WDR47: variants seen among roughly 807,000 people sequenced by gnomAD.
WDR47 encodes the protein WD repeat-containing protein 47.
WDR47 carries 32 observed loss-of-function variants against 97.2 expected under a neutral mutation model. That is an observed-to-expected ratio of 0.33 (90% confidence interval 0.25 to 0.44). WDR47 has a LOEUF of 0.44. WDR47 is among the 20% of genes least tolerant of loss of function. The probability of loss-of-function intolerance (pLI) is 1.00; values close to 1 mark genes in which losing one functional copy is unlikely to be tolerated. For missense variants in WDR47, 782 were observed against 1,102.3 expected (o/e 0.71, Z 4.11); for synonymous variants, 375 against 373.5 (o/e 1.00, Z -0.05).
chr1:109,004,348 T>C (rs1407433956), intron 6 of WDR47, among the ~76,000 whole-genome samples: 1 of 152,106 alleles, frequency 6.6e-6, no homozygotes, highest in Non-Finnish European at 1.5e-5. Context: ...ACATGCAATG[T>C]CACCAGTAAT....
chr1:109,010,975 A>G lies in WDR47; in HGVS notation c.1071T>C (p.Ser357=). 2 of 1,614,138 alleles carry G rather than the reference A, an allele frequency of 1.2e-6. No homozygotes were observed. Among genetic ancestry groups the G allele is most frequent in the Non-Finnish European group, 1.7e-6 (2 of 1,180,036 alleles). The stretch of plus-strand genomic sequence containing the variant: ...CTGTATTCTCAAGCATGAGACTTCT[A>G]CTGAGGTTTTGTACCCCTGGATAAT... ...NFHYPGVQNL[S]RSLMLENTEC... is the part of the protein sequence containing the mutation. Residue 357 remains serine (S), a synonymous_variant, in exon 5 of 15, where the codon AGT becomes AGC. Coordinates refer to ENST00000369962, the MANE Select transcript of WDR47 (RefSeq NM_001142551.2).
chr1:109,000,673 T>G (rs1660117897), intron 7 of WDR47, among the ~76,000 whole-genome samples: 1 of 151,692 alleles, frequency 6.6e-6, no homozygotes, highest in Admixed American at 6.6e-5. Flanking sequence ...AGAGTGAGAC[T>G]CCAACTCAAA....
At chr1:108,979,535 AAAAC>A (rs1658183153) in intron 13 of WDR47, among the ~76,000 whole-genome samples, 1 of 122,670 alleles carries the variant, frequency 8.2e-6, no homozygotes, top group Non-Finnish European at 1.8e-5. Flanking sequence ...AGAACAAAAC[AAAAC>A]AAAAAAACAA....
intron 1 of WDR47, among the ~76,000 whole-genome samples, chr1:109,040,588 A>T (rs554722405): frequency 6.6e-6 from 1 of 152,122 alleles, no homozygotes; most frequent in Non-Finnish European, 1.5e-5. Context: ...TTTTTTACCT[A>T]ACAATATACT....
Position 109,020,562 on chromosome 1 carries a change from G to A in WDR47, c.158+2793C>T, listed in dbSNP as rs368066403. On this transcript the variant is annotated intron_variant, in intron 2 of 14. Transcript: ENST00000369962. ...CAGGCGTGAGCCACTGTGCCCAGCC[G>A]AACATATTTAGTTTAATGAAAAACC... is the stretch of plus-strand genomic sequence containing the variant. Among the ~76,000 whole-genome samples the A allele has an allele frequency of 7.0e-4, 106 of 152,006 alleles. 1 individual carries two copies. The highest frequency in any genetic ancestry group is 2.3e-3 in the African/African-American group (95 of 41,500).
At chr1:108,982,913 G>T in intron 11 of WDR47, 134 bp from the exon 12 acceptor site, 1 of 1,021,800 alleles carries the variant, frequency 9.8e-7, no homozygotes, top group Non-Finnish European at 1.4e-6. Flanking sequence ...TTTAGGGATT[G>T]GTATTATAAG....
intron 1 of WDR47, among the ~76,000 whole-genome samples, chr1:109,035,716 G>A (rs1016218280): frequency 3.3e-5 from 5 of 151,652 alleles, no homozygotes; most frequent in African/African-American, 7.3e-5. Context: ...GGCTAGTCTC[G>A]AACTCCCGAC....
intron 1 of WDR47, among the ~76,000 whole-genome samples, chr1:109,029,686 A>C (rs1373461686): frequency 7.4e-6 from 1 of 134,900 alleles, no homozygotes; most frequent in Non-Finnish European, 1.6e-5. Context: ...TAAATAAATA[A>C]ATAAATAAAT....
chr1:109,009,954 T>C (rs1447073437), intron 5 of WDR47, among the ~76,000 whole-genome samples: 1 of 151,700 alleles, frequency 6.6e-6, no homozygotes. Flanking sequence ...GCCGAGACCG[T>C]GCCACTGCAC....
intron 4 of WDR47, among the ~76,000 whole-genome samples, chr1:109,012,280 TAGAA>T (rs1418636597): frequency 1.3e-5 from 2 of 151,902 alleles, no homozygotes; most frequent in East Asian, 1.9e-4. Flanking sequence ...TGTGTGGAGA[TAGAA>T]AGTCAAGAAA....
At chr1:108,979,498 C>A (rs1170191330) in intron 13 of WDR47, among the ~76,000 whole-genome samples, 2 of 151,878 alleles carry the variant, frequency 1.3e-5, no homozygotes, top group East Asian at 3.9e-4. Context: ...GCATTCCAGA[C>A]TAGGTGACAG....
intron 1 of WDR47, among the ~76,000 whole-genome samples, chr1:109,037,307 C>A (rs1371975686): frequency 7.3e-6 from 1 of 136,914 alleles, no homozygotes; most frequent in Non-Finnish European, 1.6e-5. Context: ...CCAGCCTGGG[C>A]AACAAGAGCA....
intron 12 of WDR47, 63 bp downstream of exon 12, chr1:108,982,545 GA>G (rs1658427148): frequency 6.6e-7 from 1 of 1,521,834 alleles, no homozygotes; most frequent in South Asian, 1.3e-5. Context: ...AGAAAATGCA[GA>G]GAGGAAAAAA....
chr1:109,037,069 C>T (rs1230800675), intron 1 of WDR47, among the ~76,000 whole-genome samples: 1 of 152,178 alleles, frequency 6.6e-6, no homozygotes, highest in African/African-American at 2.4e-5. Context: ...GTGGCTCACG[C>T]CTGTAATCCC....
intron 1 of WDR47, among the ~76,000 whole-genome samples, chr1:109,038,063 G>T (rs1431877645): frequency 6.6e-6 from 1 of 151,802 alleles, no homozygotes; most frequent in African/African-American, 2.4e-5. Flanking sequence ...GGTCTCAAAC[G>T]TCTGGGCTCA....
Position 108,974,725 on chromosome 1 carries a change from G to A in WDR47, c.2428C>T (p.Pro810Ser). The change falls in exon 14 of 15, where the codon CCC becomes TCC. Residue 810 changes from proline to serine, a missense_variant. Physicochemically the swap from Pro to Ser is moderately conservative, Grantham distance 74. Coordinates refer to ENST00000369962, the MANE Select transcript of WDR47 (RefSeq NM_001142551.2). ...CCTGTGGCTAAGAGACGACCACTGG[G>A]ATCTACAGCTACAGATGCCACTGCA... ...GSAVASVAVD[P>S]SGRLLATGQE... 1.2e-6 allele frequency: 2 copies of A among 1,612,816 alleles called. No individual in the cohort carries two copies. Among genetic ancestry groups the A allele is most frequent in the Non-Finnish European group, 1.7e-6 (2 of 1,179,386 alleles).
intron 1 of WDR47, among the ~76,000 whole-genome samples, chr1:109,034,893 G>A (rs974342545): frequency 2.6e-5 from 4 of 152,118 alleles, no homozygotes; most frequent in South Asian, 2.1e-4. Context: ...TTTGTTGAAT[G>A]AATGAATATA....
chr1:109,039,403 A>T (rs146252195), intron 1 of WDR47, among the ~76,000 whole-genome samples: 108 of 152,202 alleles, frequency 7.1e-4, no homozygotes, highest in African/African-American at 2.5e-3. Flanking sequence ...GATTACAGGC[A>T]CACGCCACCA....
chr1:109,026,898 C>T (rs902383579), intron 1 of WDR47, among the ~76,000 whole-genome samples: 9 of 152,078 alleles, frequency 5.9e-5, no homozygotes, highest in African/African-American at 1.9e-4. Flanking sequence ...CTTACAAATA[C>T]ATATTTTATA....
Sources: allele counts gnomAD v4.1 joint callset (sites outside exome capture counted in the v4.1 genomes callset), GRCh38; gene constraint gnomAD v4.1.1; transcripts MANE v1.5; gene names NCBI Gene and HGNC (gene_info 2026-07-23, HGNC 2026-07-21).